Variants in ACYP2 observed in about 807,000 individuals in gnomAD.
The protein encoded by ACYP2 is acylphosphatase 2.
Under a neutral mutation model 11.2 loss-of-function variants are expected in ACYP2, and 12 were observed. That is an observed-to-expected ratio of 1.08 (90% CI 0.69 to 1.74). The LOEUF (loss-of-function observed/expected upper bound fraction) is 1.74. Among genes scored for constraint, ACYP2 ranks in the 40% most tolerant of loss-of-function variants. The probability of loss-of-function intolerance (pLI) is 0.00; values close to 1 mark genes in which losing one functional copy is unlikely to be tolerated. For missense variants in ACYP2, 134 were observed against 101.9 expected (o/e 1.31, Z -1.35); for synonymous variants, 43 against 32.2 (o/e 1.33, Z -1.13).
At chr2:54,083,146 T>C (rs573903268) in intron 4 of ACYP2, among the ~76,000 whole-genome samples, 8 of 152,114 alleles carry the variant, frequency 5.3e-5, no homozygotes, top group African/African-American at 1.7e-4. Context: ...ACTTGCATGA[T>C]GTGTTGTCAT....
intron 4 of ACYP2, among the ~76,000 whole-genome samples, chr2:54,102,341 A>G (rs1281573608): frequency 6.6e-6 from 1 of 152,238 alleles, no homozygotes; most frequent in Admixed American, 6.5e-5. Flanking sequence ...CACTTGTTAG[A>G]GACCAGCTTA....
chr2:54,076,985 C>T (rs55705819), intron 4 of ACYP2, among the ~76,000 whole-genome samples: 3 of 151,260 alleles, frequency 2.0e-5, no homozygotes, highest in Admixed American at 1.3e-4. Flanking sequence ...GAAACAAAAC[C>T]GTATTGAATT....
intron 4 of ACYP2, among the ~76,000 whole-genome samples, chr2:54,058,407 T>C (rs1217675120): frequency 6.6e-6 from 1 of 152,046 alleles, no homozygotes; most frequent in Admixed American, 6.6e-5. Flanking sequence ...ATGCCTATCA[T>C]TATACACCTA....
intron 6 of ACYP2, among the ~76,000 whole-genome samples, chr2:54,257,816 T>C (rs1687622481): frequency 6.6e-6 from 1 of 152,154 alleles, no homozygotes; most frequent in African/African-American, 2.4e-5. Flanking sequence ...GTATAACTTA[T>C]CAACACGGAC....
chr2:54,176,708 G>A (rs1322874619), intron 6 of ACYP2, among the ~76,000 whole-genome samples: 1 of 152,124 alleles, frequency 6.6e-6, no homozygotes, highest in Non-Finnish European at 1.5e-5. Flanking sequence ...GACATGCTTA[G>A]TTGCTCAGTG....
intron 2 of ACYP2, chr2:54,029,633 C>T (rs1217660599): frequency 1.1e-5 from 4 of 367,708 alleles, no homozygotes; most frequent in African/African-American, 4.3e-5. Flanking sequence ...GATCATTTTC[C>T]TTCATGCGTT....
chr2:54,089,228 A>G (rs1243289612), intron 4 of ACYP2, among the ~76,000 whole-genome samples: 2 of 152,188 alleles, frequency 1.3e-5, no homozygotes, highest in Non-Finnish European at 2.9e-5. Context: ...CTAAGCAGTC[A>G]ATGAACCTTG....
intron 6 of ACYP2, chr2:54,141,983 T>TTGTG (rs56673055): frequency 0.011 from 5,161 of 459,276 alleles, 105 homozygotes; most frequent in African/African-American, 0.061. Context: ...GCTGGCTAAT[T>TTGTG]TGTGTGTGTG....
chr2:54,091,186 A>G (rs1678203585), intron 4 of ACYP2, among the ~76,000 whole-genome samples: 1 of 152,270 alleles, frequency 6.6e-6, no homozygotes. Context: ...AATGAAAAGA[A>G]GCAATCTCTG....
intron 6 of ACYP2, among the ~76,000 whole-genome samples, chr2:54,151,410 A>T (rs945810951): frequency 3.9e-5 from 6 of 152,170 alleles, no homozygotes; most frequent in Admixed American, 3.3e-4. Flanking sequence ...TTGCTTTTTC[A>T]TCTGAGTATT....
chr2:54,167,790 G>C (rs1683057266), intron 6 of ACYP2, among the ~76,000 whole-genome samples: 1 of 152,162 alleles, frequency 6.6e-6, no homozygotes, highest in Admixed American at 6.5e-5. Context: ...ATAATTCAGA[G>C]GGAAGAGAGT....
intron 6 of ACYP2, among the ~76,000 whole-genome samples, chr2:54,192,723 T>C (rs1465807500): frequency 6.6e-6 from 1 of 152,190 alleles, no homozygotes; most frequent in Non-Finnish European, 1.5e-5. Context: ...GGGTAATTTA[T>C]AAAGAGAAGA....
intron 6 of ACYP2, among the ~76,000 whole-genome samples, chr2:54,279,867 T>C (rs564631525): frequency 4.1e-4 from 62 of 152,330 alleles, no homozygotes; most frequent in Non-Finnish European, 7.3e-4. Flanking sequence ...GCCATATTTG[T>C]CTTTGTATCC....
At chr2:54,225,726 C>G (rs1351962369) in intron 6 of ACYP2, among the ~76,000 whole-genome samples, 1 of 152,016 alleles carries the variant, frequency 6.6e-6, no homozygotes, top group Non-Finnish European at 1.5e-5. Context: ...AATGAGAGGA[C>G]CCACTGACAA....
chr2:54,302,586 C>T (rs1010637502), intron 6 of ACYP2, among the ~76,000 whole-genome samples: 5 of 152,174 alleles, frequency 3.3e-5, no homozygotes, highest in African/African-American at 4.8e-5. Flanking sequence ...TTTCTATCTG[C>T]TGACAAATTC....
chr2:54,158,669 T>A (rs1682553656), intron 6 of ACYP2, among the ~76,000 whole-genome samples: 1 of 152,218 alleles, frequency 6.6e-6, no homozygotes, highest in Non-Finnish European at 1.5e-5. Flanking sequence ...GCAATTTAAA[T>A]TTAAACTTTG....
intron 2 of ACYP2, among the ~76,000 whole-genome samples, chr2:53,985,139 C>T (rs1212303834): frequency 6.6e-5 from 10 of 151,036 alleles, no homozygotes; most frequent in African/African-American, 2.4e-4. Flanking sequence ...GCGCAATTTC[C>T]GCTCACTGCA....
chr2:54,096,796 T>C (rs1313472176), intron 4 of ACYP2, among the ~76,000 whole-genome samples: 2 of 147,012 alleles, frequency 1.4e-5, no homozygotes, highest in Non-Finnish European at 3.0e-5. Context: ...CAGTCCAGCC[T>C]TGGCTCGGCA....
chr2:54,118,577 T>C (rs1303072674), intron 4 of ACYP2, among the ~76,000 whole-genome samples: 1 of 152,256 alleles, frequency 6.6e-6, no homozygotes, highest in African/African-American at 2.4e-5. Context: ...TGCTTTCCCA[T>C]TATAAGATGT....
Sources: gnomAD v4.1 joint callset for allele counts (sites outside exome capture counted in the v4.1 genomes callset) on GRCh38, gnomAD v4.1.1 for gene constraint, MANE v1.5 for transcripts, NCBI Gene and HGNC (gene_info 2026-07-23, HGNC 2026-07-21) for gene names.